FBXL17: variants seen among roughly 807,000 people sequenced by gnomAD.
FBXL17 encodes the protein F-box/LRR-repeat protein 17.
FBXL17 carries 22 observed loss-of-function variants against 66.2 expected under a neutral mutation model. The observed-to-expected ratio is 0.33, with a 90% confidence interval of 0.24 to 0.47. The LOEUF (loss-of-function observed/expected upper bound fraction) is 0.47, where lower values mean the gene tolerates loss of function less well. FBXL17 is among the 20% of genes least tolerant of loss of function. FBXL17 has a pLI of 1.00. For missense variants in FBXL17, 878 were observed against 948.2 expected (o/e 0.93, Z 0.97); for synonymous variants, 474 against 400.5 (o/e 1.18, Z -2.19).
chr5:108,290,459 G>C (rs1758066173), intron 4 of FBXL17, among the ~76,000 whole-genome samples: 1 of 152,088 alleles, frequency 6.6e-6, no homozygotes, highest in Non-Finnish European at 1.5e-5. Context: ...AGATTAATCA[G>C]CTTTAGTGTT....
At chr5:108,350,867 G>A (rs1011696695) in intron 3 of FBXL17, among the ~76,000 whole-genome samples, 2 of 152,116 alleles carry the variant, frequency 1.3e-5, no homozygotes, top group African/African-American at 4.8e-5. Context: ...AATACACCAA[G>A]GGAAAGAAAA....
At chr5:108,351,732 T>C (rs1747672371) in intron 3 of FBXL17, among the ~76,000 whole-genome samples, 1 of 152,196 alleles carries the variant, frequency 6.6e-6, no homozygotes, top group Non-Finnish European at 1.5e-5. Context: ...TTTGATAACA[T>C]CCTGAGCAGT....
At chr5:108,369,547 C>T (rs1244049672) in intron 1 of FBXL17, among the ~76,000 whole-genome samples, 1 of 152,040 alleles carries the variant, frequency 6.6e-6, no homozygotes, top group Non-Finnish European at 1.5e-5. Context: ...TCTGTACTAT[C>T]ATTGCAATTT....
intron 4 of FBXL17, among the ~76,000 whole-genome samples, chr5:108,333,323 G>A (rs959576969): frequency 5.3e-5 from 8 of 151,874 alleles, no homozygotes; most frequent in Non-Finnish European, 8.8e-5. Context: ...AAGATGTAAG[G>A]TTACCTGAGA....
intron 4 of FBXL17, among the ~76,000 whole-genome samples, chr5:108,284,358 A>C (rs1757815119): frequency 6.6e-6 from 1 of 151,978 alleles, no homozygotes; most frequent in Non-Finnish European, 1.5e-5. Flanking sequence ...ACATAACAAA[A>C]TACTACTCAG....
chr5:107,986,101 A>G (rs945517096), intron 7 of FBXL17, among the ~76,000 whole-genome samples: 1 of 152,162 alleles, frequency 6.6e-6, no homozygotes, highest in Non-Finnish European at 1.5e-5. Flanking sequence ...CTATTAGATT[A>G]TCAGTAATTG....
At chr5:108,082,701 AAAT>A (rs1489178128) in intron 6 of FBXL17, among the ~76,000 whole-genome samples, 3 of 152,190 alleles carry the variant, frequency 2.0e-5, no homozygotes, top group African/African-American at 4.8e-5. Flanking sequence ...TAAAGCATCA[AAAT>A]AATAATAATA....
chr5:107,879,904 G>A (rs538707010), intron 8 of FBXL17: 6 of 985,388 alleles, frequency 6.1e-6, no homozygotes, highest in Admixed American at 6.1e-5. Context: ...CCAAAGACCC[G>A]GCATGAAGTC....
intron 6 of FBXL17, among the ~76,000 whole-genome samples, chr5:108,053,417 T>C (rs745794227): frequency 4.7e-4 from 71 of 151,872 alleles, no homozygotes; most frequent in Non-Finnish European, 8.2e-4. Flanking sequence ...AGAAGACATT[T>C]ACACAGCCAA....
chr5:108,277,559 G>A (rs1251154080), intron 4 of FBXL17, among the ~76,000 whole-genome samples: 2 of 152,166 alleles, frequency 1.3e-5, no homozygotes, highest in African/African-American at 4.8e-5. Flanking sequence ...CAGGAGGAAT[G>A]TCTGTAAAAA....
At chr5:108,155,651 T>C (rs1387357554) in intron 6 of FBXL17, among the ~76,000 whole-genome samples, 3 of 152,222 alleles carry the variant, frequency 2.0e-5, no homozygotes, top group South Asian at 2.1e-4. Context: ...AGAATTTATT[T>C]TGATTTCTGA....
At chr5:108,146,247 C>G (rs1751555235) in intron 6 of FBXL17, among the ~76,000 whole-genome samples, 1 of 151,022 alleles carries the variant, frequency 6.6e-6, no homozygotes. Context: ...AAAAAAAAGA[C>G]TCATCACCAA....
At chr5:108,044,027 T>C (rs1747150059) in intron 6 of FBXL17, among the ~76,000 whole-genome samples, 1 of 152,230 alleles carries the variant, frequency 6.6e-6, no homozygotes, top group Non-Finnish European at 1.5e-5. Context: ...ACAATCGAGT[T>C]TTGTATGTTT....
In FBXL17 at chr5:107,916,307, G is replaced by A. The variant is rs78864031; in HGVS notation, c.1823-35128C>T. ...GTCTAAAACAAAATTTACAACAGAG[G>A]TTGGGAATGCTCTTTGTTGAGACTA... On this transcript the variant is annotated intron_variant, in intron 7 of 8. Coordinates refer to ENST00000542267, the MANE Select transcript of FBXL17 (RefSeq NM_001163315.3). 2.7e-3 allele frequency among the ~76,000 whole-genome samples: 406 copies of A among 152,324 alleles called. 6 individuals carry two copies. The East Asian group carries it at 0.06, about 23-fold the overall frequency.
At chr5:108,278,659 G>C (rs116468976) in intron 4 of FBXL17, among the ~76,000 whole-genome samples, 2 of 152,190 alleles carry the variant, frequency 1.3e-5, no homozygotes, top group African/African-American at 4.8e-5. Context: ...CAGGGAAAAT[G>C]GAATGAGCCC....
intron 6 of FBXL17, among the ~76,000 whole-genome samples, chr5:108,091,143 G>A (rs1749173593): frequency 6.6e-6 from 1 of 152,170 alleles, no homozygotes; most frequent in South Asian, 2.1e-4. Flanking sequence ...CCACTTATCT[G>A]TGTGAATCAA....
intron 6 of FBXL17, among the ~76,000 whole-genome samples, chr5:108,061,648 G>A (rs1201360266): frequency 1.3e-5 from 2 of 152,084 alleles, no homozygotes; most frequent in Non-Finnish European, 2.9e-5. Flanking sequence ...GCTCATTTTT[G>A]TTATGCCACC....
chr5:108,021,018 G>A lies in FBXL17; in HGVS notation c.1746-17C>T. 1 of 1,594,208 alleles carries A rather than the reference G, an allele frequency of 6.3e-7. No homozygotes were observed. Among genetic ancestry groups the A allele is most frequent in the Non-Finnish European group, 8.6e-7 (1 of 1,163,028 alleles). ...TCCACACACCTGAAACATACAAAAA[G>A]TGGTTATACTAATGCGTTTCAAGTT... On this transcript the variant is annotated splice_polypyrimidine_tract_variant and intron_variant, in intron 6 of 8. Coordinates refer to ENST00000542267, the MANE Select transcript of FBXL17 (RefSeq NM_001163315.3).
At chr5:107,912,256 T>A (rs1458264575) in intron 7 of FBXL17, among the ~76,000 whole-genome samples, 2 of 152,078 alleles carry the variant, frequency 1.3e-5, no homozygotes, top group African/African-American at 4.8e-5. Context: ...CACAACTCCA[T>A]GATGAAGAGA....
Sources: allele counts gnomAD v4.1 joint callset (sites outside exome capture counted in the v4.1 genomes callset), GRCh38; gene constraint gnomAD v4.1.1; transcripts MANE v1.5; gene names NCBI Gene and HGNC (gene_info 2026-07-23, HGNC 2026-07-21).